The following CPED1 variants were observed in gnomAD, a reference collection of about 807,000 sequenced individuals.
The protein encoded by CPED1 is cadherin like and PC-esterase domain containing 1.
Under a neutral mutation model 128.2 loss-of-function variants are expected in CPED1, and 114 were observed. That is an observed-to-expected ratio of 0.89 (90% CI 0.76 to 1.04). CPED1 has a LOEUF of 1.04. Ranked by LOEUF, CPED1 falls within the 50% of genes least tolerant of loss-of-function variation. The pLI is 0.00. For synonymous variants in CPED1, 462 were observed against 426.7 expected (o/e 1.08, Z -1.02); for missense variants, 1,211 against 1,207.1 (o/e 1.00, Z -0.05).
chr7:121,163,900 T>C (rs191388244), intron 16 of CPED1, among the ~76,000 whole-genome samples: 1 of 152,162 alleles, frequency 6.6e-6, no homozygotes, highest in Non-Finnish European at 1.5e-5. Context: ...AAGAATAGAC[T>C]CATTGACCAC....
intron 16 of CPED1, among the ~76,000 whole-genome samples, chr7:121,226,614 A>C (rs894526557): frequency 1.3e-5 from 2 of 152,206 alleles, no homozygotes; most frequent in African/African-American, 4.8e-5. Context: ...AAGTCTTAGC[A>C]GTATAATTGC....
At chr7:121,250,694 A>G (rs1204289151) in intron 18 of CPED1, among the ~76,000 whole-genome samples, 2 of 152,176 alleles carry the variant, frequency 1.3e-5, no homozygotes, top group African/African-American at 4.8e-5. Flanking sequence ...AAACACCTCT[A>G]TGCAAATAAA....
intron 2 of CPED1, 114 bp from the exon 3 acceptor site, chr7:121,015,551 C>T: frequency 2.1e-6 from 2 of 952,132 alleles, no homozygotes; most frequent in Non-Finnish European, 3.1e-6. Context: ...CCTTTCACTT[C>T]TAGAGAAAAA....
intron 9 of CPED1, among the ~76,000 whole-genome samples, chr7:121,126,871 A>G (rs1309530690): frequency 6.6e-6 from 1 of 152,260 alleles, no homozygotes; most frequent in African/African-American, 2.4e-5. Flanking sequence ...ACTTTATATT[A>G]GTTAATTTTC....
rs570390966 is a variant in CPED1 at position 121,016,086 on chromosome 7, G to C, written c.433+238G>C. On this transcript the variant is annotated intron_variant, in intron 3 of 22. Transcript: ENST00000310396. ...TATATTTTTGTAGCATTTTGGAGTT[G>C]TATAGTTCATGTTTAAATGCTACAT... Among the ~76,000 whole-genome samples, 11 of 151,934 alleles carry C rather than the reference G, an allele frequency of 7.2e-5. No individual in the cohort carries two copies. In the East Asian group the frequency reaches 9.7e-4, roughly 13 times the overall value.
intron 12 of CPED1, among the ~76,000 whole-genome samples, chr7:121,132,882 A>T (rs909471557): frequency 6.6e-6 from 1 of 152,048 alleles, no homozygotes; most frequent in Non-Finnish European, 1.5e-5. Context: ...ACTGCAAAAA[A>T]TTATCATGGC....
At position 121,186,634 on chromosome 7, in the gene CPED1, T is replaced by C. The variant is rs73717473; in HGVS notation, c.2055+44493T>C. ...GCAGTTTATTGAAGAAAGTCTTTTG[T>C]GAGACCCTAAAAAATAAAAAAATTA... On this transcript the variant is annotated intron_variant, in intron 16 of 22. Transcript: ENST00000310396. Among the ~76,000 whole-genome samples the C allele has an allele frequency of 5.1e-3, 771 of 152,272 alleles. 11 individuals carry two copies. Among genetic ancestry groups the C allele is most frequent in the African/African-American group, 0.018 (743 of 41,588 alleles).
At chr7:121,056,054 A>G (rs1326588726) in intron 4 of CPED1, among the ~76,000 whole-genome samples, 4 of 152,152 alleles carry the variant, frequency 2.6e-5, no homozygotes, top group Non-Finnish European at 4.4e-5. Context: ...TAAATAATGC[A>G]TATGAAACTC....
In CPED1 at chr7:121,215,841, T is replaced by A. The variant is rs182506911; in HGVS notation, c.2056-20873T>A. ...AGTTTTTAAAAAGATGTCTTACATA[T>A]TTTTTAATTATAAGCTTTTGGCCAA... On this transcript the variant is annotated intron_variant, in intron 16 of 22. Coordinates refer to ENST00000310396, the MANE Select transcript of CPED1 (RefSeq NM_024913.5). 7.9e-4 allele frequency among the ~76,000 whole-genome samples: 120 copies of A among 152,204 alleles called. No individual in the cohort carries two copies. The Middle Eastern group carries it at 0.014, about 17-fold the overall frequency.
At chr7:121,129,000 A>G (rs928473241) in intron 11 of CPED1, among the ~76,000 whole-genome samples, 1 of 151,910 alleles carries the variant, frequency 6.6e-6, no homozygotes, top group Admixed American at 6.6e-5. Flanking sequence ...ACTGGCTTAT[A>G]TCTTTTAAAA....
At chr7:121,007,230 C>CTTTTTTTTTTT (rs147867549) in intron 2 of CPED1, among the ~76,000 whole-genome samples, 9 of 115,848 alleles carry the variant, frequency 7.8e-5, no homozygotes, top group Admixed American at 9.4e-5. Context: ...GTTCAGGTTG[C>CTTTTTTTTTTT]ATTTTTTTTT....
chr7:121,062,774 A>G (rs1793708165), intron 4 of CPED1: 1 of 152,108 alleles, frequency 6.6e-6, no homozygotes, highest in African/African-American at 2.4e-5. Flanking sequence ...TAATTGAATC[A>G]TGGGTGCGGT....
In CPED1 at chr7:121,015,831, C is replaced by T. The variant is rs137952014; in HGVS notation, c.416C>T (p.Pro139Leu). Residue 139 changes from proline (P) to leucine (L), a missense_variant, in exon 3 of 23, where the codon CCG becomes CTG. Pro to Leu is a moderately conservative substitution (Grantham distance 98). Transcript: ENST00000310396. ...GAAAGGCTCAATGCTGGCCTAGGGC[C>T]GGGGCTACTAGAACAAGGTCAGAAT... Reference protein sequence around the residue: ...AEERLNAGLGPGLLEQGDLGS... With the variant: ...AEERLNAGLGLGLLEQGDLGS... 3.6e-4 allele frequency: 563 copies of T among 1,557,954 alleles called. 1 individual carries two copies. Among genetic ancestry groups the T allele is most frequent in the African/African-American group, 2.7e-3 (193 of 71,810 alleles).
chr7:121,185,510 C>T (rs1298945003), intron 16 of CPED1, among the ~76,000 whole-genome samples: 5 of 151,968 alleles, frequency 3.3e-5, no homozygotes, highest in Non-Finnish European at 7.4e-5. Context: ...GCCTATAAGG[C>T]ATCAAAAATT....
intron 5 of CPED1, among the ~76,000 whole-genome samples, chr7:121,073,169 G>A (rs1180120492): frequency 6.6e-6 from 1 of 152,146 alleles, no homozygotes; most frequent in East Asian, 1.9e-4. Context: ...TATGCTGTAT[G>A]TATTATATAC....
intron 3 of CPED1, among the ~76,000 whole-genome samples, chr7:121,039,473 G>T (rs961616099): frequency 1.3e-5 from 2 of 151,942 alleles, no homozygotes; most frequent in Non-Finnish European, 2.9e-5. Context: ...TTGGAGAATG[G>T]TATTATAAAC....
intron 16 of CPED1, among the ~76,000 whole-genome samples, chr7:121,209,010 A>T (rs1489635448): frequency 1.3e-5 from 2 of 152,070 alleles, no homozygotes; most frequent in Admixed American, 1.3e-4. Context: ...GCTTGCAGCT[A>T]ATTCAAGATC....
rs549497157 is a variant in CPED1, at chr7:121,001,458, A to G, written c.249+11588A>G. Among the ~76,000 whole-genome samples, 7 of 152,270 alleles carry G rather than the reference A, an allele frequency of 4.6e-5. No individual in the cohort carries two copies. In the East Asian group the frequency reaches 1.3e-3, roughly 29 times the overall value. On this transcript the variant is annotated intron_variant, in intron 2 of 22. Transcript: ENST00000310396. ...TTGAGAGAGGGATTTGGGGTAGCCA[A>G]TCTAGGAAGAGTCAGGTGGAGCAAG...
At chr7:121,029,892 T>C (rs1373976388) in intron 3 of CPED1, among the ~76,000 whole-genome samples, 2 of 152,162 alleles carry the variant, frequency 1.3e-5, no homozygotes, top group African/African-American at 4.8e-5. Context: ...TTCATATCTG[T>C]CTAATTTTTT....
Sources: gnomAD v4.1 joint callset for allele counts (sites outside exome capture counted in the v4.1 genomes callset) on GRCh38, gnomAD v4.1.1 for gene constraint, MANE v1.5 for transcripts, NCBI Gene and HGNC (gene_info 2026-07-23, HGNC 2026-07-21) for gene names.